The following TSC22D3 variants were observed in gnomAD, a reference collection of about 807,000 sequenced individuals.
TSC22D3 encodes TSC22 domain family protein 3.
A neutral mutation model predicts 11.1 loss-of-function variants in TSC22D3; 4 were observed. The observed-to-expected ratio is 0.36, with a 90% CI of 0.18 to 0.83. The LOEUF (loss-of-function observed/expected upper bound fraction) is 0.83. Among genes scored for constraint, TSC22D3 ranks in the 40% least tolerant of loss-of-function variants. TSC22D3 has a pLI of 0.48. For missense variants in TSC22D3, 118 were observed against 159.4 expected, an observed-to-expected ratio of 0.74 and a Z score of 1.40; for synonymous variants, 77 against 70.3, an observed-to-expected ratio of 1.10 and a Z score of -0.48.
intron 1 of TSC22D3, among the ~76,000 whole-genome samples, chrX:107,774,682 C>A (rs1476318182): frequency 8.9e-6 from 1 of 111,930 alleles, no homozygotes; most frequent in Non-Finnish European, 1.9e-5. Flanking sequence ...AATTTTAAAG[C>A]CCTTGTAGTT....
chrX:107,719,874 A>G (rs1569447404), intron 1 of TSC22D3, among the ~76,000 whole-genome samples: 2 of 111,865 alleles, frequency 1.8e-5, no homozygotes, highest in East Asian at 2.8e-4. Flanking sequence ...ACAATATCCA[A>G]CTGTCCAAAT....
At position 107,750,723 on chromosome X, in the gene TSC22D3, C is replaced by T. The variant is rs138265723; in HGVS notation, c.320+24377G>A. Reference sequence around the variant, plus strand: ...GACTAGGCAGAAACTGATCAGATACCGCAGGTAGGTACTTATTGGAGGCTC... The same window carrying T: ...GACTAGGCAGAAACTGATCAGATACTGCAGGTAGGTACTTATTGGAGGCTC... On this transcript the variant is annotated intron_variant, in intron 1 of 2. Coordinates refer to ENST00000372383, the MANE Select transcript of TSC22D3 (RefSeq NM_198057.3). Among the ~76,000 whole-genome samples the T allele has an allele frequency of 6.4e-3, 714 of 111,042 alleles. 8 individuals carry two copies. The highest frequency in any genetic ancestry group is 0.022 in the African/African-American group (679 of 30,525).
chrX:107,734,194 A>G (rs191130436), intron 1 of TSC22D3, among the ~76,000 whole-genome samples: 7 of 112,144 alleles, frequency 6.2e-5, no homozygotes, highest in Non-Finnish European at 1.9e-5. Context: ...CCTTCCCAGA[A>G]CTGAGGGTTT....
intron 1 of TSC22D3, among the ~76,000 whole-genome samples, chrX:107,774,640 C>T (rs1346484416): frequency 8.9e-6 from 1 of 111,979 alleles, no homozygotes; most frequent in African/African-American, 3.3e-5. Context: ...TGACATTTTG[C>T]TTGCCCTCAC....
chrX:107,767,715 G>A (rs1929731786), intron 1 of TSC22D3, among the ~76,000 whole-genome samples: 1 of 112,028 alleles, frequency 8.9e-6, no homozygotes. Context: ...CCCTGAAACT[G>A]GGATCTAGCC....
intron 1 of TSC22D3, chrX:107,716,666 G>C: frequency 2.5e-6 from 3 of 1,197,002 alleles, no homozygotes; most frequent in Non-Finnish European, 2.2e-6. Flanking sequence ...CTCGGGAGGC[G>C]CCGGAGCTGG....
intron 1 of TSC22D3, among the ~76,000 whole-genome samples, chrX:107,771,732 A>G (rs1023339518): frequency 2.2e-4 from 25 of 112,521 alleles, no homozygotes; most frequent in African/African-American, 6.1e-4. Context: ...ATAATACAAG[A>G]TTGAAAGGAT....
chrX:107,742,281 A>AAGAGAGAGAGAGAGAGAGAGAGAG (rs764889060), intron 1 of TSC22D3, among the ~76,000 whole-genome samples: 2 of 56,811 alleles, frequency 3.5e-5, no homozygotes, highest in African/African-American at 1.6e-4. Context: ...GAGAGAGAGA[A>AAGAGAGAGAGAGAGAGAGAGAGAG]AGAGAGAGAG....
chrX:107,731,262 C>T (rs919057546), intron 1 of TSC22D3, among the ~76,000 whole-genome samples: 1 of 111,710 alleles, frequency 9.0e-6, no homozygotes, highest in Non-Finnish European at 1.9e-5. Context: ...CATGAATGTA[C>T]AGGGATGAAT....
At chrX:107,722,059 G>A in intron 1 of TSC22D3, 1 of 350,503 alleles carries the variant, frequency 2.9e-6, no homozygotes, top group South Asian at 8.3e-5. Context: ...AGGGAAGCAA[G>A]AAGGAAAGAC....
intron 1 of TSC22D3, among the ~76,000 whole-genome samples, chrX:107,761,346 C>CA (rs1929430787): frequency 1.8e-5 from 2 of 112,049 alleles, no homozygotes; most frequent in Admixed American, 9.4e-5. Context: ...ACTGGGACCC[C>CA]ATCTCTCTAG....
chrX:107,768,516 A>G (rs938046266), intron 1 of TSC22D3, among the ~76,000 whole-genome samples: 24 of 112,574 alleles, frequency 2.1e-4, no homozygotes, highest in African/African-American at 6.1e-4. Context: ...CTCCTGGCAA[A>G]AACTGAGGAG....
chrX:107,722,910 A>T (rs1455270093), intron 1 of TSC22D3, among the ~76,000 whole-genome samples: 5 of 112,221 alleles, frequency 4.5e-5, no homozygotes, highest in African/African-American at 9.7e-5. Flanking sequence ...CAAGGAAATT[A>T]AAAAAAGTAA....
intron 1 of TSC22D3, among the ~76,000 whole-genome samples, chrX:107,760,399 A>G (rs1446315870): frequency 2.7e-5 from 3 of 112,964 alleles, no homozygotes; most frequent in African/African-American, 6.4e-5. Flanking sequence ...TCTAGAGACG[A>G]GAAGTCGGAA....
At chrX:107,770,520 C>G (rs964752783) in intron 1 of TSC22D3, among the ~76,000 whole-genome samples, 4 of 111,750 alleles carry the variant, frequency 3.6e-5, no homozygotes, top group African/African-American at 1.3e-4. Context: ...GAAATGTTTG[C>G]TATTTTTATC....
At chrX:107,728,662 G>C (rs1927752901) in intron 1 of TSC22D3, among the ~76,000 whole-genome samples, 1 of 112,256 alleles carries the variant, frequency 8.9e-6, no homozygotes, top group Non-Finnish European at 1.9e-5. Context: ...TGGGAGTGGG[G>C]GGAGGACAAA....
chrX:107,749,351 G>A (rs1447298631), intron 1 of TSC22D3, among the ~76,000 whole-genome samples: 2 of 110,658 alleles, frequency 1.8e-5, no homozygotes, highest in African/African-American at 6.6e-5. Flanking sequence ...CTCCAGCCTG[G>A]GTGACAGAGC....
intron 1 of TSC22D3, among the ~76,000 whole-genome samples, chrX:107,745,015 G>T (rs1225656160): frequency 8.9e-6 from 1 of 112,097 alleles, no homozygotes; most frequent in Non-Finnish European, 1.9e-5. Flanking sequence ...GAATTCATCT[G>T]CAAAGTGCAT....
chrX:107,743,275 C>T (rs1417606069), intron 1 of TSC22D3, among the ~76,000 whole-genome samples: 1 of 112,019 alleles, frequency 8.9e-6, no homozygotes, highest in South Asian at 3.8e-4. Flanking sequence ...CCCCCATACC[C>T]CCAACAAAAG....
Sources: gnomAD v4.1 joint callset for allele counts (sites outside exome capture counted in the v4.1 genomes callset) on GRCh38, gnomAD v4.1.1 for gene constraint, MANE v1.5 for transcripts, NCBI Gene and HGNC (gene_info 2026-07-23, HGNC 2026-07-21) for gene names.